Variants in GRIK1 observed in about 807,000 individuals in gnomAD.
The protein encoded by GRIK1 is glutamate ionotropic receptor kainate type subunit 1, also known as glutamate receptor ionotropic, kainate 1.
In GRIK1, 69 loss-of-function variants were observed where a neutral mutation model predicts 105.7. The observed-to-expected ratio is 0.65, with a 90% CI of 0.54 to 0.80. GRIK1 has a LOEUF of 0.80. Ranked by LOEUF, GRIK1 falls within the 30% of genes least tolerant of loss-of-function variation. The pLI, the probability that GRIK1 is intolerant of heterozygous loss-of-function variation, is 0.00. For missense variants in GRIK1, 1,109 were observed against 1,167.3 expected, an observed-to-expected ratio of 0.95 and a Z score of 0.73; for synonymous variants, 438 against 431.3, an observed-to-expected ratio of 1.02 and a Z score of -0.19.
intron 1 of GRIK1, among the ~76,000 whole-genome samples, chr21:29,710,396 G>A: frequency 7.6e-6 from 1 of 132,018 alleles, no homozygotes; most frequent in Non-Finnish European, 1.5e-5. Context: ...AAAATGTAAA[G>A]GATAGTTTTC....
At chr21:29,561,937 T>C (rs1455856946) in intron 14 of GRIK1, 88 bp from the exon 15 acceptor site, 1 of 733,644 alleles carries the variant, frequency 1.4e-6, no homozygotes, top group African/African-American at 1.7e-5. Context: ...GTTCAAATAA[T>C]GATAGGGAGG....
intron 1 of GRIK1, among the ~76,000 whole-genome samples, chr21:29,867,819 T>TGAATGAAAGAAAGAAA (rs2068851460): frequency 1.3e-4 from 6 of 45,926 alleles, no homozygotes; most frequent in African/African-American, 5.0e-4. Context: ...AAAGAAAGAA[T>TGAATGAAAGAAAGAAA]GAAAGAAAGA....
At position 29,872,709 on chromosome 21, in the gene GRIK1, G is replaced by A. The variant is rs939388245; in HGVS notation, c.118+66674C>T. Among the ~76,000 whole-genome samples, 11 of 152,178 alleles carry A rather than the reference G, an allele frequency of 7.2e-5. 1 individual carries two copies. ...TGTGAAAGGCACGGTCTTATATGGT[G>A]GCAGGCAAAAGAGAAGCTTGTGCAG... On this transcript the variant is annotated intron_variant, in intron 1 of 17. Transcript: ENST00000327783.
At chr21:29,790,467 T>C (rs959027714) in intron 1 of GRIK1, among the ~76,000 whole-genome samples, 21 of 151,972 alleles carry the variant, frequency 1.4e-4, no homozygotes, top group East Asian at 5.8e-4. Flanking sequence ...TTCTTTCTTT[T>C]TTTTTTTTGA....
chr21:29,612,037 T>C (rs1568884868), intron 7 of GRIK1, among the ~76,000 whole-genome samples: 1 of 152,292 alleles, frequency 6.6e-6, no homozygotes, highest in East Asian at 1.9e-4. Flanking sequence ...CAGCTTCTCC[T>C]GCAAGTCAAT....
At chr21:29,690,074 T>G in intron 2 of GRIK1, 89 bp from the exon 3 acceptor site, 1 of 999,262 alleles carries the variant, frequency 1.0e-6, no homozygotes, top group Non-Finnish European at 1.5e-6. Flanking sequence ...ATTTTTTCTT[T>G]CATGATTCCT....
chr21:29,552,803 T>C (rs1409605862), intron 16 of GRIK1, among the ~76,000 whole-genome samples: 2 of 152,042 alleles, frequency 1.3e-5, no homozygotes, highest in African/African-American at 4.8e-5. Context: ...AGAAGACTGT[T>C]AAATTCTACA....
chr21:29,582,854 T>C (rs527732824), intron 12 of GRIK1, among the ~76,000 whole-genome samples: 8 of 152,244 alleles, frequency 5.3e-5, no homozygotes, highest in Non-Finnish European at 1.0e-4. Flanking sequence ...ACACAGAGAA[T>C]GCTCTCCAGC....
chr21:29,812,487 T>C (rs924108912), intron 1 of GRIK1, among the ~76,000 whole-genome samples: 2 of 152,176 alleles, frequency 1.3e-5, no homozygotes, highest in African/African-American at 4.8e-5. Context: ...TTTTTGAATT[T>C]CACTGGTAAT....
In GRIK1 at chr21:29,888,161, T is replaced by TTTTCTTTCTTTCTTTCTTTCTTTC. The variant is rs11436370; in HGVS notation, c.118+51221_118+51222insGAAAGAAAGAAAGAAAGAAAGAAA. Among the ~76,000 whole-genome samples, 21 of 7,304 alleles carry TTTTCTTTCTTTCTTTCTTTCTTTC rather than the reference T, an allele frequency of 2.9e-3. 3 individuals are homozygous for TTTTCTTTCTTTCTTTCTTTCTTTC. The highest frequency in any genetic ancestry group is 5.7e-3 in the African/African-American group (19 of 3,314). The allele number at this position is 7,304 out of a possible 152,430, so 4.8% of individuals were successfully genotyped here. A position where few individuals can be genotyped will look rare whatever the true frequency, so the allele number is the denominator to read the frequency against. ...TCCCTCCCTCCCTCCCTCCTTTCTT[T>TTTTCTTTCTTTCTTTCTTTCTTTC]TTTCTTTCTTTCTTTCTTTCTTCCT... On this transcript the variant is annotated intron_variant, in intron 1 of 17. Transcript: ENST00000327783.
chr21:29,557,709 CAAAATT>C lies in GRIK1; in HGVS notation c.2357-2413_2357-2408del, dbSNP rs532788453. Among the ~76,000 whole-genome samples the C allele has an allele frequency of 2.1e-4, 32 of 152,136 alleles. No homozygotes were observed. The East Asian group carries it at 5.4e-3, about 26-fold the overall frequency. ...TGGTGAAAAAAATGGATATTGAAAA[CAAAATT>C]AAAAGATATTGGCTGTTTGCTTAAA... On this transcript the variant is annotated intron_variant, in intron 15 of 17. Coordinates refer to ENST00000327783, the MANE Select transcript of GRIK1 (RefSeq NM_001330994.2).
chr21:29,831,454 A>T (rs2067635019), intron 1 of GRIK1, among the ~76,000 whole-genome samples: 1 of 152,188 alleles, frequency 6.6e-6, no homozygotes, highest in African/African-American at 2.4e-5. Context: ...TGGGTAATTT[A>T]TAAAGAAAAA....
chr21:29,561,915 A>G (rs1666541449), intron 14 of GRIK1, 66 bp from the exon 15 acceptor site: 4 of 871,762 alleles, frequency 4.6e-6, no homozygotes, highest in Non-Finnish European at 3.8e-6. Context: ...AAAGGTATTC[A>G]AAGTCCCAAT....
chr21:29,864,946 C>A (rs1054473540), intron 1 of GRIK1, among the ~76,000 whole-genome samples: 4 of 152,106 alleles, frequency 2.6e-5, no homozygotes, highest in African/African-American at 9.7e-5. Context: ...GGGACAGAGG[C>A]CAAGTAATGC....
intron 1 of GRIK1, among the ~76,000 whole-genome samples, chr21:29,932,918 G>GT (rs1433936150): frequency 6.7e-6 from 1 of 150,074 alleles, no homozygotes; most frequent in African/African-American, 2.4e-5. Flanking sequence ...CAAGTCTAGT[G>GT]TAAAAAAAAA....
intron 1 of GRIK1, among the ~76,000 whole-genome samples, chr21:29,729,323 A>T (rs1357374053): frequency 6.6e-6 from 1 of 152,106 alleles, no homozygotes; most frequent in Admixed American, 6.5e-5. Context: ...AAAAAAAGGA[A>T]GGTAGGAGGT....
intron 1 of GRIK1, among the ~76,000 whole-genome samples, chr21:29,856,207 G>A (rs1338021298): frequency 6.6e-6 from 1 of 152,092 alleles, no homozygotes; most frequent in East Asian, 1.9e-4. Context: ...ATAAGCAGAG[G>A]ACCCCAGGCC....
intron 6 of GRIK1, among the ~76,000 whole-genome samples, chr21:29,646,048 T>C (rs1366565206): frequency 6.6e-6 from 1 of 152,200 alleles, no homozygotes; most frequent in Non-Finnish European, 1.5e-5. Context: ...TTTTAACTCC[T>C]TGGAATATCC....
intron 3 of GRIK1, among the ~76,000 whole-genome samples, chr21:29,683,031 A>G (rs1346378132): frequency 6.6e-6 from 1 of 152,244 alleles, no homozygotes; most frequent in Non-Finnish European, 1.5e-5. Context: ...CATATGAAAA[A>G]ATGCTCATCA....
Sources: allele counts gnomAD v4.1 joint callset (sites outside exome capture counted in the v4.1 genomes callset), GRCh38; gene constraint gnomAD v4.1.1; transcripts MANE v1.5; gene names NCBI Gene and HGNC (gene_info 2026-07-23, HGNC 2026-07-21).